Variants in EPN2 observed in about 807,000 individuals in gnomAD.
The protein encoded by EPN2 is epsin-2.
In EPN2, 34 loss-of-function variants were observed where a neutral mutation model predicts 61.7. The observed-to-expected ratio is 0.55, with a 90% CI of 0.42 to 0.73. The LOEUF (loss-of-function observed/expected upper bound fraction) is 0.73. Ranked by LOEUF, EPN2 falls within the 30% of genes least tolerant of loss-of-function variation. The pLI is 0.00. For missense variants in EPN2, 714 were observed against 839.2 expected, an observed-to-expected ratio of 0.85 and a Z score of 1.84; for synonymous variants, 349 against 353.6, an observed-to-expected ratio of 0.99 and a Z score of 0.15.
chr17:19,309,103 A>G (rs1905995081), intron 4 of EPN2, among the ~76,000 whole-genome samples: 1 of 149,744 alleles, frequency 6.7e-6, no homozygotes, highest in South Asian at 2.1e-4. Context: ...TTCATTTTCC[A>G]TGATCTCGTA....
chr17:19,334,141 A>G lies in EPN2; in HGVS notation c.1813A>G (p.Thr605Ala), dbSNP rs1324876562. 1.9e-6 allele frequency: 3 copies of G among 1,605,280 alleles called. No individual in the cohort carries two copies. Among genetic ancestry groups the G allele is most frequent in the Non-Finnish European group, 2.6e-6 (3 of 1,175,676 alleles). The change falls in exon 11 of 11, where the codon ACT (threonine) becomes GCT (alanine). Residue 605 changes from threonine to alanine, a missense_variant. Physicochemically the swap from Thr to Ala is moderately conservative, Grantham distance 58. Around this residue, in one of 2 missense-constraint regions of EPN2, gnomAD observed 410 missense variants for 421.8 expected, o/e 0.97. Transcript: ENST00000314728. The surrounding 1 kb of genome is among the most constrained non-coding windows in gnomAD (Gnocchi z 4.9). ...GGCCCCACAGCCAGCTCTGGGGGCC[A>G]CTGGTTCCTCTCTGACACCACTGGG... ...SAAPQPALGA[T>A]GSSLTPLGPA...
intron 1 of EPN2, among the ~76,000 whole-genome samples, chr17:19,281,347 G>A (rs373110608): frequency 2.1e-4 from 32 of 152,310 alleles, no homozygotes; most frequent in African/African-American, 7.2e-4. Context: ...TGGAGATTCC[G>A]AGGATTTTAG....
At chr17:19,277,839 A>G (rs971514160) in intron 1 of EPN2, among the ~76,000 whole-genome samples, 1 of 152,040 alleles carries the variant, frequency 6.6e-6, no homozygotes, top group Non-Finnish European at 1.5e-5. Flanking sequence ...CTGGGAGGCC[A>G]GGGTGGGCGG....
intron 1 of EPN2, among the ~76,000 whole-genome samples, chr17:19,264,258 T>C (rs1192331785): frequency 6.6e-6 from 1 of 152,212 alleles, no homozygotes; most frequent in Non-Finnish European, 1.5e-5. Context: ...ATAAAAATTA[T>C]ATGGTTTGCG....
intron 1 of EPN2, among the ~76,000 whole-genome samples, chr17:19,254,720 C>T (rs1364628477): frequency 6.6e-6 from 1 of 152,040 alleles, no homozygotes; most frequent in Non-Finnish European, 1.5e-5. Flanking sequence ...GAGTAGTGGC[C>T]TTTCTGAGCA....
At chr17:19,272,191 C>G (rs964976429) in intron 1 of EPN2, among the ~76,000 whole-genome samples, 8 of 152,200 alleles carry the variant, frequency 5.3e-5, no homozygotes, top group African/African-American at 1.9e-4. Context: ...CGTCTCCCAT[C>G]AGCCAGTGTT....
At chr17:19,305,454 C>CT (rs1905791494) in intron 4 of EPN2, among the ~76,000 whole-genome samples, 1 of 152,144 alleles carries the variant, frequency 6.6e-6, no homozygotes, top group Non-Finnish European at 1.5e-5. Context: ...GTACTTGCCA[C>CT]TTTCTTTCTG....
intron 4 of EPN2, chr17:19,303,769 T>C (rs962492143): frequency 6.6e-6 from 1 of 152,174 alleles, no homozygotes; most frequent in Non-Finnish European, 1.5e-5. Context: ...ATACACCTTT[T>C]TGTCTTTTGC....
intron 7 of EPN2, among the ~76,000 whole-genome samples, chr17:19,314,814 C>G (rs528559205): frequency 1.3e-5 from 2 of 152,246 alleles, no homozygotes; most frequent in Non-Finnish European, 2.9e-5. Flanking sequence ...TGGTTTTACT[C>G]ACCACACATG....
intron 1 of EPN2, among the ~76,000 whole-genome samples, chr17:19,241,973 C>G (rs888137717): frequency 2.0e-5 from 3 of 152,112 alleles, no homozygotes; most frequent in African/African-American, 7.2e-5. Flanking sequence ...AATTTGTTGT[C>G]TGAAAGTCAC....
Position 19,333,922 on chromosome 17 carries a change from G to A in EPN2, c.1628-34G>A, listed in dbSNP as rs773069750. 1.0e-5 allele frequency: 15 copies of A among 1,500,608 alleles called. No homozygotes were observed. In the East Asian group the frequency reaches 1.9e-4, roughly 19 times the overall value. The allele number at this position is 1,500,608 out of a possible 1,614,324, so 93.0% of individuals were successfully genotyped here. A position where few individuals can be genotyped will look rare whatever the true frequency, so the allele number is the denominator to read the frequency against. ...GGAGCTCAGAAAGCCACACCCTGAC[G>A]GCTCAGCCTCTGCCCCTCCTTCTGT... On this transcript the variant is annotated intron_variant, in intron 10 of 10. Coordinates refer to ENST00000314728, the MANE Select transcript of EPN2 (RefSeq NM_014964.5).
intron 4 of EPN2, chr17:19,297,186 C>A (rs4924978): frequency 0.96 from 146,169 of 152,250 alleles, 70,569 homozygotes; most frequent in African/African-American, 0.99. Context: ...GCTGCATAGA[C>A]TGACCACTGG....
intron 1 of EPN2, among the ~76,000 whole-genome samples, chr17:19,265,237 A>G (rs1199439783): frequency 6.6e-6 from 1 of 152,086 alleles, no homozygotes; most frequent in Non-Finnish European, 1.5e-5. Flanking sequence ...TACAAAAAAT[A>G]ATAAGCTGGG....
chr17:19,276,781 T>TTTTTTTGTTTGTTTG (rs1555598456), intron 1 of EPN2, among the ~76,000 whole-genome samples: 5 of 150,160 alleles, frequency 3.3e-5, no homozygotes, highest in South Asian at 2.1e-4. Context: ...AAGTTTTTTT[T>TTTTTTTGTTTGTTTG]TTTTTTTTTT....
intron 1 of EPN2, among the ~76,000 whole-genome samples, chr17:19,242,545 C>A (rs776085038): frequency 7.2e-5 from 11 of 152,186 alleles, no homozygotes; most frequent in Non-Finnish European, 1.2e-4. Flanking sequence ...GGTGCTGGAG[C>A]CTGCTTCGTT....
At chr17:19,300,427 C>CT (rs72338416) in intron 4 of EPN2, among the ~76,000 whole-genome samples, 16,761 of 108,660 alleles carry the variant, frequency 0.15, 2,348 homozygotes, top group Non-Finnish European at 0.22. Context: ...AACTGTAAAT[C>CT]TTTTTTTTTT....
At chr17:19,308,539 A>G (rs933458283) in intron 4 of EPN2, 4 of 985,298 alleles carry the variant, frequency 4.1e-6, no homozygotes, top group Middle Eastern at 5.2e-4. Context: ...AGAGGTGCAG[A>G]GTCTGACACA....
At chr17:19,274,648 C>T (rs1004068011) in intron 1 of EPN2, among the ~76,000 whole-genome samples, 4 of 152,134 alleles carry the variant, frequency 2.6e-5, no homozygotes, top group East Asian at 3.9e-4. Context: ...TCTCAGCACA[C>T]GATCAGCCAC....
At chr17:19,282,923 A>G in intron 2 of EPN2, 27 bp from the exon 3 acceptor site, 1 of 553,698 alleles carries the variant, frequency 1.8e-6, no homozygotes, top group Non-Finnish European at 3.2e-6. Flanking sequence ...CTTACGTCGC[A>G]GTGGAATGGG....
Sources: allele counts gnomAD v4.1 joint callset (sites outside exome capture counted in the v4.1 genomes callset), GRCh38; gene constraint gnomAD v4.1.1; regional missense constraint gnomAD v4.1.1; non-coding constraint Gnocchi (gnomAD v3.1); transcripts MANE v1.5; gene names NCBI Gene and HGNC (gene_info 2026-07-23, HGNC 2026-07-21).